ADK: variants seen among roughly 807,000 people sequenced by gnomAD.
The protein encoded by ADK is adenosine kinase.
In ADK, 24 loss-of-function variants were observed where a neutral mutation model predicts 44.7. The ratio of observed to expected loss-of-function variants is 0.54; its 90% CI spans 0.39 to 0.76. The LOEUF is 0.76. Among genes scored for constraint, ADK ranks in the 30% least tolerant of loss-of-function variants. The pLI is 0.00. For missense variants in ADK, 321 were observed against 425.1 expected, an observed-to-expected ratio of 0.76 and a Z score of 2.15; for synonymous variants, 128 against 142.6, an observed-to-expected ratio of 0.90 and a Z score of 0.73.
intron 4 of ADK, among the ~76,000 whole-genome samples, chr10:74,336,250 T>C (rs143410247): frequency 1.4e-4 from 21 of 152,346 alleles, no homozygotes; most frequent in African/African-American, 4.6e-4. Flanking sequence ...TGCTTTGGCA[T>C]ATGGATATCC....
intron 10 of ADK, among the ~76,000 whole-genome samples, chr10:74,685,233 T>G (rs1282890668): frequency 6.6e-6 from 1 of 152,250 alleles, no homozygotes; most frequent in Non-Finnish European, 1.5e-5. Context: ...GACCATTATA[T>G]TTAAAGTACA....
chr10:74,212,216 G>A (rs185571719), intron 2 of ADK, among the ~76,000 whole-genome samples: 215 of 152,242 alleles, frequency 1.4e-3, no homozygotes, highest in Middle Eastern at 0.014. Context: ...TGTTCTTTGG[G>A]TTCTTTGATG....
chr10:74,479,479 T>C (rs1358653486), intron 6 of ADK, among the ~76,000 whole-genome samples: 3 of 150,302 alleles, frequency 2.0e-5, no homozygotes, highest in Non-Finnish European at 3.0e-5. Context: ...CTCTTTGCCA[T>C]ACAGCAGAGA....
At chr10:74,169,380 T>C (rs1214234691) in intron 1 of ADK, among the ~76,000 whole-genome samples, 1 of 152,244 alleles carries the variant, frequency 6.6e-6, no homozygotes, top group Non-Finnish European at 1.5e-5. Flanking sequence ...AAATATGTTC[T>C]GTGCAGCATA....
chr10:74,326,528 T>C (rs529121087), intron 4 of ADK, among the ~76,000 whole-genome samples: 1 of 152,150 alleles, frequency 6.6e-6, no homozygotes, highest in African/African-American at 2.4e-5. Flanking sequence ...GGAGGATTGC[T>C]TGAGCTTAGG....
intron 6 of ADK, among the ~76,000 whole-genome samples, chr10:74,441,600 C>T (rs141025184): frequency 0.014 from 2,176 of 152,184 alleles, 31 homozygotes; most frequent in Non-Finnish European, 0.022. Flanking sequence ...AAACCTGAGA[C>T]CTTAAAACTC....
At chr10:74,217,028 C>T (rs542457980) in intron 2 of ADK, among the ~76,000 whole-genome samples, 3 of 152,332 alleles carry the variant, frequency 2.0e-5, no homozygotes, top group Non-Finnish European at 2.9e-5. Flanking sequence ...CAGGTCAGTG[C>T]GTGCAGCGCA....
chr10:74,457,816 A>G (rs1564733000), intron 6 of ADK, among the ~76,000 whole-genome samples: 2 of 152,278 alleles, frequency 1.3e-5, no homozygotes, highest in Admixed American at 6.5e-5. Flanking sequence ...GGGTTGAACA[A>G]TGAGAACACA....
intron 4 of ADK, among the ~76,000 whole-genome samples, chr10:74,315,675 C>T (rs895180031): frequency 1.3e-5 from 2 of 152,116 alleles, no homozygotes; most frequent in Non-Finnish European, 2.9e-5. Context: ...TGATTAACTT[C>T]AAGAACTGGG....
At chr10:74,450,650 G>T (rs1486516120) in intron 6 of ADK, among the ~76,000 whole-genome samples, 1 of 152,082 alleles carries the variant, frequency 6.6e-6, no homozygotes, top group Non-Finnish European at 1.5e-5. Flanking sequence ...TTATGTATTT[G>T]AAGTTAATGT....
rs577557563 is a variant in ADK, at chr10:74,264,267, A to G, written c.194+39676A>G. 1.4e-3 allele frequency among the ~76,000 whole-genome samples: 214 copies of G among 152,222 alleles called. 1 individual carries two copies. Among genetic ancestry groups the G allele is most frequent in the Non-Finnish European group, 2.2e-3 (149 of 68,034 alleles). On this transcript the variant is annotated intron_variant, in intron 3 of 10. Coordinates refer to ENST00000539909, the MANE Select transcript of ADK (RefSeq NM_006721.4). ...TTGCTGAGTTGTTCTTTCCAGTGGTATCTGAGCATTCCCTTTCTCAATTGT... is the reference window on the plus strand; with the variant it reads ...TTGCTGAGTTGTTCTTTCCAGTGGTGTCTGAGCATTCCCTTTCTCAATTGT...
rs145556252 is a variant in ADK at position 74,706,548 on chromosome 10, T to C, written c.965-1773T>C. Among the ~76,000 whole-genome samples, 344 of 152,356 alleles carry C rather than the reference T, an allele frequency of 2.3e-3. 2 individuals carry two copies. The highest frequency in any genetic ancestry group is 8.1e-3 in the African/African-American group (335 of 41,582). ...TTTGGGCACCTGTGTCAAAAATCAG[T>C]TGGCTATACAGAAGTAGGTTTATTT... On this transcript the variant is annotated intron_variant, in intron 10 of 10. Transcript: ENST00000539909.
At position 74,689,916 on chromosome 10, in the gene ADK, G is replaced by A. The variant is rs549316159; in HGVS notation, c.965-18405G>A. Among the ~76,000 whole-genome samples, 12 of 152,316 alleles carry A rather than the reference G, an allele frequency of 7.9e-5. No homozygotes were observed. In the East Asian group the frequency reaches 2.3e-3, roughly 29 times the overall value. ...ACTTGAGCGTGCATCAGAATCATCT[G>A]AACACTTGTTAAAAGATCTGTTGCT... On this transcript the variant is annotated intron_variant, in intron 10 of 10. Coordinates refer to ENST00000539909, the MANE Select transcript of ADK (RefSeq NM_006721.4).
chr10:74,477,346 G>A lies in ADK; in HGVS notation c.556-47910G>A, dbSNP rs553101532. Among the ~76,000 whole-genome samples the A allele has an allele frequency of 6.6e-5, 10 of 151,988 alleles. No homozygotes were observed. In the East Asian group the frequency reaches 1.2e-3, roughly 18 times the overall value. On this transcript the variant is annotated intron_variant, in intron 6 of 10. Transcript: ENST00000539909. The stretch of plus-strand genomic sequence containing the variant: ...CAGCCTCCCGAGTAGCTGGGTTTAC[G>A]GGTGCATGCCACCAGGACTGGCTGT...
chr10:74,460,605 A>G (rs1191054008), intron 6 of ADK, among the ~76,000 whole-genome samples: 1 of 152,216 alleles, frequency 6.6e-6, no homozygotes, highest in Non-Finnish European at 1.5e-5. Context: ...TATTCAATGT[A>G]AATGATTTTG....
intron 6 of ADK, among the ~76,000 whole-genome samples, chr10:74,455,208 A>G (rs1244402725): frequency 6.6e-6 from 1 of 152,198 alleles, no homozygotes; most frequent in Non-Finnish European, 1.5e-5. Context: ...AATGTTTGCT[A>G]TAAAGATATT....
At chr10:74,345,317 T>C (rs984290980) in intron 4 of ADK, among the ~76,000 whole-genome samples, 1 of 152,094 alleles carries the variant, frequency 6.6e-6, no homozygotes, top group South Asian at 2.1e-4. Flanking sequence ...TTTTTTTTTT[T>C]TCCCAGACAG....
intron 8 of ADK, among the ~76,000 whole-genome samples, chr10:74,598,056 ATT>A (rs776479111): frequency 3.3e-5 from 5 of 152,044 alleles, no homozygotes; most frequent in Non-Finnish European, 7.4e-5. Flanking sequence ...TAATGTGAAC[ATT>A]TTCTTAGTTT....
At chr10:74,449,091 TA>T (rs2133177620) in intron 6 of ADK, among the ~76,000 whole-genome samples, 1 of 152,296 alleles carries the variant, frequency 6.6e-6, no homozygotes, top group South Asian at 2.1e-4. Context: ...ACTGGCTAAG[TA>T]GTCCAAAACC....
Sources: allele counts gnomAD v4.1 joint callset (sites outside exome capture counted in the v4.1 genomes callset), GRCh38; gene constraint gnomAD v4.1.1; transcripts MANE v1.5; gene names NCBI Gene and HGNC (gene_info 2026-07-23, HGNC 2026-07-21).